Variants in MTPN observed in about 807,000 individuals in gnomAD.
MTPN encodes the protein myotrophin.
MTPN carries 2 observed loss-of-function variants against 13.5 expected under a neutral mutation model. The ratio of observed to expected loss-of-function variants is 0.15; its 90% confidence interval spans 0.06 to 0.47. The LOEUF is 0.47. Among genes scored for constraint, MTPN ranks in the 20% least tolerant of loss-of-function variants. The pLI is 0.97. For synonymous variants in MTPN, 46 were observed against 51.7 expected (o/e 0.89, Z 0.48); for missense variants, 79 against 137.9 (o/e 0.57, Z 2.14).
intron 3 of MTPN, among the ~76,000 whole-genome samples, chr7:135,941,913 C>A (rs909864724): frequency 7.6e-6 from 1 of 131,976 alleles, no homozygotes; most frequent in African/African-American, 2.8e-5. Context: ...ACGGGAGTTT[C>A]ATTTTTGTTG....
At position 135,927,867 on chromosome 7, in the gene MTPN, G is replaced by C; in HGVS notation, c.*2059C>G. 2.8e-6 allele frequency: 1 copy of C among 351,794 alleles called. No individual in the cohort carries two copies. The highest frequency in any genetic ancestry group is 5.7e-6 in the Non-Finnish European group (1 of 175,166). The allele number at this position is 351,794 out of a possible 1,614,324, so 21.8% of individuals were successfully genotyped here. On this transcript the variant is annotated 3_prime_UTR_variant, in exon 4 of 4. Coordinates refer to ENST00000393085, the MANE Select transcript of MTPN (RefSeq NM_145808.4). The stretch of plus-strand genomic sequence containing the variant: ...TACCATGAATGTAGAAAGCAGACCA[G>C]GTTTAGGAATGATAGGACAATGCAC...
intron 1 of MTPN, among the ~76,000 whole-genome samples, chr7:135,969,982 T>C (rs1308146400): frequency 2.6e-5 from 4 of 152,232 alleles, no homozygotes; most frequent in African/African-American, 9.6e-5. Flanking sequence ...TGTCTGCCAA[T>C]GTGTGCCTAA....
At chr7:135,960,858 A>C (rs932258713) in intron 1 of MTPN, 1 of 151,880 alleles carries the variant, frequency 6.6e-6, no homozygotes, top group Non-Finnish European at 1.5e-5. Context: ...TTTAGAAAAC[A>C]TCTACAGAGT....
chr7:135,975,099 T>C (rs751326104), intron 1 of MTPN, among the ~76,000 whole-genome samples: 23 of 152,204 alleles, frequency 1.5e-4, no homozygotes, highest in Non-Finnish European at 2.8e-4. Context: ...ATTTTTTACA[T>C]TAATGAAGAA....
chr7:135,931,930 TATC>T (rs928511735), intron 3 of MTPN, among the ~76,000 whole-genome samples: 19 of 152,266 alleles, frequency 1.2e-4, no homozygotes, highest in African/African-American at 3.8e-4. Flanking sequence ...TCAGGGCCCT[TATC>T]ATTTCTTTGT....
At chr7:135,937,589 G>C (rs995085326) in intron 3 of MTPN, among the ~76,000 whole-genome samples, 2 of 152,038 alleles carry the variant, frequency 1.3e-5, no homozygotes, top group Admixed American at 6.5e-5. Flanking sequence ...ATTATCTATA[G>C]ATTACTTATA....
chr7:135,928,081 A>G lies in MTPN; in HGVS notation c.*1845T>C, dbSNP rs569753569. 5.6e-6 allele frequency: 1 copy of G among 178,100 alleles called. No individual in the cohort carries two copies. The highest frequency in any genetic ancestry group is 2.4e-5 in the African/African-American group (1 of 41,624). The allele number at this position is 178,100 out of a possible 1,614,324, so 11.0% of individuals were successfully genotyped here. ...CTCCATTTTCAATGAGGATGTCTCCATATTTTAGTTCAGTGATGTAATAAA... is the reference window on the plus strand; with the variant it reads ...CTCCATTTTCAATGAGGATGTCTCCGTATTTTAGTTCAGTGATGTAATAAA... On this transcript the variant is annotated 3_prime_UTR_variant, in exon 4 of 4. Coordinates refer to ENST00000393085, the MANE Select transcript of MTPN (RefSeq NM_145808.4).
rs1798935997 is a variant in MTPN, at chr7:135,927,344, T to C, written c.*2582A>G. 5.2e-6 allele frequency: 8 copies of C among 1,551,292 alleles called. No individual in the cohort carries two copies. Among genetic ancestry groups the C allele is most frequent in the Admixed American group, 2.0e-5 (1 of 50,950 alleles). On this transcript the variant is annotated 3_prime_UTR_variant, in exon 4 of 4. Transcript: ENST00000393085. ...GTGCTGTATTTGAACGATAAGCCTATAGATAACAGTCTGAAGCTGCAAGGG... is the reference window on the plus strand; with the variant it reads ...GTGCTGTATTTGAACGATAAGCCTACAGATAACAGTCTGAAGCTGCAAGGG...
intron 3 of MTPN, among the ~76,000 whole-genome samples, chr7:135,948,021 G>C (rs1430521605): frequency 1.3e-5 from 2 of 152,084 alleles, no homozygotes; most frequent in African/African-American, 2.4e-5. Flanking sequence ...AATGAATCTG[G>C]AAAGTTCTTA....
intron 3 of MTPN, among the ~76,000 whole-genome samples, chr7:135,940,263 T>C (rs1799188861): frequency 6.6e-6 from 1 of 152,174 alleles, no homozygotes; most frequent in Non-Finnish European, 1.5e-5. Context: ...TAAAAATGGA[T>C]TTGGTATTTA....
intron 3 of MTPN, among the ~76,000 whole-genome samples, chr7:135,933,232 TATACTC>T (rs1799055084): frequency 6.6e-6 from 1 of 152,076 alleles, no homozygotes. Flanking sequence ...CTTTAAATAA[TATACTC>T]ATGCTGATAT....
In MTPN at chr7:135,950,699, A is replaced by G; in HGVS notation, c.187-17T>C. ...ATCTGGAGCCTATGAAATAATAAAC[A>G]GAGATAACTTTATCTGTTTTTCATT... is the stretch of plus-strand genomic sequence containing the variant. On this transcript the variant is annotated splice_polypyrimidine_tract_variant and intron_variant, in intron 2 of 3. Coordinates refer to ENST00000393085, the MANE Select transcript of MTPN (RefSeq NM_145808.4). The G allele has an allele frequency of 6.4e-7, 1 of 1,561,750 alleles. No individual in the cohort carries two copies. Among genetic ancestry groups the G allele is most frequent in the South Asian group, 1.1e-5 (1 of 87,404 alleles).
At chr7:135,956,792 C>G (rs1021842530) in intron 1 of MTPN, among the ~76,000 whole-genome samples, 2 of 152,164 alleles carry the variant, frequency 1.3e-5, no homozygotes, top group Non-Finnish European at 2.9e-5. Flanking sequence ...ATGTGCCATT[C>G]ACAGCTCTTC....
intron 3 of MTPN, among the ~76,000 whole-genome samples, chr7:135,935,353 C>T (rs950164458): frequency 1.3e-5 from 2 of 152,106 alleles, no homozygotes; most frequent in African/African-American, 4.8e-5. Flanking sequence ...ATTCTCCTGC[C>T]TCAGCCTCCC....
intron 3 of MTPN, among the ~76,000 whole-genome samples, chr7:135,950,033 G>A (rs1235605692): frequency 2.0e-5 from 3 of 152,060 alleles, no homozygotes; most frequent in Admixed American, 6.6e-5. Context: ...GCAACTAAAT[G>A]GTTAATTTCT....
chr7:135,968,442 A>G (rs1799638889), intron 1 of MTPN, among the ~76,000 whole-genome samples: 1 of 152,044 alleles, frequency 6.6e-6, no homozygotes, highest in Non-Finnish European at 1.5e-5. Flanking sequence ...TGGACTGAAA[A>G]AAAAAATCAA....
In MTPN at chr7:135,927,563, GT is replaced by G; in HGVS notation, c.*2362del. 1 of 720,992 alleles carries G rather than the reference GT, an allele frequency of 1.4e-6. No homozygotes were observed. The highest frequency in any genetic ancestry group is 2.4e-6 in the Non-Finnish European group (1 of 409,768). 44.7% of individuals were successfully genotyped at this position (720,992 alleles called of 1,614,324 possible). A position where few individuals can be genotyped will look rare whatever the true frequency, so the allele number is the denominator to read the frequency against. On this transcript the variant is annotated 3_prime_UTR_variant, in exon 4 of 4. Coordinates refer to ENST00000393085, the MANE Select transcript of MTPN (RefSeq NM_145808.4). ...CATGTAGTACCAGAAAGCAAACATG[GT>G]TTTAGCTTCCTTTACTCAAAATATG...
At chr7:135,944,710 C>T (rs894796) in intron 3 of MTPN, among the ~76,000 whole-genome samples, 68,957 of 152,002 alleles carry the variant, frequency 0.45, 15,936 homozygotes, top group East Asian at 0.6. Flanking sequence ...ATTAATACTA[C>T]AGGCAAACTA....
chr7:135,944,506 G>A (rs1219695042), intron 3 of MTPN, among the ~76,000 whole-genome samples: 6 of 151,756 alleles, frequency 4.0e-5, no homozygotes, highest in Non-Finnish European at 7.4e-5. Context: ...CAAAACCCCC[G>A]TCTCTACTAA....
Sources: allele counts gnomAD v4.1 joint callset (sites outside exome capture counted in the v4.1 genomes callset), GRCh38; gene constraint gnomAD v4.1.1; transcripts MANE v1.5; gene names NCBI Gene and HGNC (gene_info 2026-07-23, HGNC 2026-07-21).